DEFB131B: variants seen among roughly 807,000 people sequenced by gnomAD.
DEFB131B encodes the protein defensin beta 131B.
Under a neutral mutation model 2.1 loss-of-function variants are expected in DEFB131B, and 2 were observed. The ratio of observed to expected loss-of-function variants is 0.94; its 90% confidence interval spans 0.38 to 2.95. The LOEUF is 2.95. DEFB131B is among the 30% of genes most tolerant of loss of function. The pLI, the probability that DEFB131B is intolerant of heterozygous loss-of-function variation, is 0.09. For synonymous variants in DEFB131B, 26 were observed against 25.8 expected, an observed-to-expected ratio of 1.01 and a Z score of -0.03; for missense variants, 77 against 78.5, an observed-to-expected ratio of 0.98 and a Z score of 0.07.
intron 1 of DEFB131B, among the ~76,000 whole-genome samples, chr11:71,881,319 T>A (rs1192714786): frequency 1.3e-5 from 2 of 152,234 alleles, no homozygotes; most frequent in Non-Finnish European, 2.9e-5. Context: ...TTGTCCAATA[T>A]AAATATAGAT....
intron 1 of DEFB131B, among the ~76,000 whole-genome samples, chr11:71,884,060 T>G (rs1044730856): frequency 2.0e-5 from 3 of 152,200 alleles, no homozygotes; most frequent in Admixed American, 6.5e-5. Flanking sequence ...CCCCAATGAC[T>G]TTTTTAAGAA....
At chr11:71,880,067 T>C (rs1251196042) in intron 1 of DEFB131B, among the ~76,000 whole-genome samples, 3 of 152,206 alleles carry the variant, frequency 2.0e-5, no homozygotes, top group Non-Finnish European at 4.4e-5. Flanking sequence ...AGGAAAAGTA[T>C]AATTCTGTAT....
intron 1 of DEFB131B, among the ~76,000 whole-genome samples, chr11:71,883,950 C>T (rs952322070): frequency 4.6e-5 from 7 of 152,164 alleles, no homozygotes; most frequent in African/African-American, 1.4e-4. Context: ...TCCACTTTTC[C>T]ACCACCATAT....
At chr11:71,882,398 A>T (rs2121353439) in intron 1 of DEFB131B, among the ~76,000 whole-genome samples, 1 of 152,152 alleles carries the variant, frequency 6.6e-6, no homozygotes, top group Middle Eastern at 3.4e-3. Flanking sequence ...CGCCTGGCTA[A>T]TTTTGTATTT....
intron 1 of DEFB131B, among the ~76,000 whole-genome samples, chr11:71,881,129 A>G (rs1175220338): frequency 6.6e-6 from 1 of 152,210 alleles, no homozygotes; most frequent in Non-Finnish European, 1.5e-5. Flanking sequence ...CTCAGTTATC[A>G]TGATGTTGAG....
intron 1 of DEFB131B, among the ~76,000 whole-genome samples, chr11:71,878,921 G>T (rs1952542770): frequency 6.6e-6 from 1 of 152,132 alleles, no homozygotes; most frequent in Non-Finnish European, 1.5e-5. Flanking sequence ...GATCGCTTGA[G>T]CCTGAGATGT....
In DEFB131B at chr11:71,882,748, C is replaced by T. The variant is rs551930847; in HGVS notation, c.59-1659C>T. Among the ~76,000 whole-genome samples the T allele has an allele frequency of 4.6e-5, 7 of 152,196 alleles. No individual in the cohort carries two copies. The South Asian group carries it at 1.5e-3, about 32-fold the overall frequency. On this transcript the variant is annotated intron_variant, in intron 1 of 1. Transcript: ENST00000530210. ...ATGATTCTAAAAGTTCTAGCAAGAA[C>T]AATTAGGCAAGAAAAGGAAATAAAT...
chr11:71,882,110 G>A (rs1252824180), intron 1 of DEFB131B, among the ~76,000 whole-genome samples: 1 of 151,404 alleles, frequency 6.6e-6, no homozygotes, highest in East Asian at 1.9e-4. Context: ...GAAGCCAGGA[G>A]GGGAAAAAAT....
In DEFB131B at chr11:71,884,456, C is replaced by T. The variant is rs1302443922; in HGVS notation, c.108C>T (p.Cys36=). The T allele has an allele frequency of 1.9e-6, 3 of 1,608,368 alleles. No homozygotes were observed. Among genetic ancestry groups the T allele is most frequent in the Non-Finnish European group, 2.5e-6 (3 of 1,177,526 alleles). Residue 36 remains cysteine (C), a synonymous_variant, in exon 2 of 2, where the codon TGC becomes TGT. Transcript: ENST00000530210. ...AATGTCCTTCAGAATATTATCATTG[C>T]AGACTGAAGTGCAATGCTGATGAAC... ...NDECPSEYYH[C]RLKCNADEHA... is the part of the protein sequence containing the mutation.
At chr11:71,879,632 A>G (rs1952547548) in intron 1 of DEFB131B, among the ~76,000 whole-genome samples, 1 of 152,252 alleles carries the variant, frequency 6.6e-6, no homozygotes. Flanking sequence ...AAAATTTACC[A>G]TAATATTCAT....
intron 1 of DEFB131B, among the ~76,000 whole-genome samples, chr11:71,884,090 C>T (rs1455393831): frequency 1.3e-5 from 2 of 152,152 alleles, no homozygotes; most frequent in Non-Finnish European, 2.9e-5. Context: ...AGAAATTAAA[C>T]ATTATTTCCT....
At chr11:71,880,316 T>C (rs1268038089) in intron 1 of DEFB131B, among the ~76,000 whole-genome samples, 4 of 152,328 alleles carry the variant, frequency 2.6e-5, no homozygotes, top group African/African-American at 9.6e-5. Flanking sequence ...TGGTTGTTTA[T>C]AACAGACTCT....
At chr11:71,884,278 C>A (rs2121359606) in intron 1 of DEFB131B, 129 bp from the exon 2 acceptor site, 1 of 1,122,900 alleles carries the variant, frequency 8.9e-7, no homozygotes, top group Non-Finnish European at 1.2e-6. Context: ...CTCTTGCATT[C>A]TTTTGCTGTT....
At chr11:71,881,411 T>G (rs1436672281) in intron 1 of DEFB131B, among the ~76,000 whole-genome samples, 1 of 152,160 alleles carries the variant, frequency 6.6e-6, no homozygotes, top group Non-Finnish European at 1.5e-5. Context: ...AAAAGTTCAT[T>G]TTCTCACAGT....
rs1299059827 is a variant in DEFB131B, at chr11:71,884,312, C to G, written c.59-95C>G. 3 of 1,338,820 alleles carry G rather than the reference C, an allele frequency of 2.2e-6. No individual in the cohort carries two copies. In the African/African-American group the frequency reaches 4.5e-5, roughly 20 times the overall value. 82.9% of individuals were successfully genotyped at this position (1,338,820 alleles called of 1,614,324 possible). Reference sequence around the variant, plus strand: ...TTGTTTTTGTTTTTCTGGGAAAGTTCTGTAATGCTTTTAATTTATTATAAA... The same window carrying G: ...TTGTTTTTGTTTTTCTGGGAAAGTTGTGTAATGCTTTTAATTTATTATAAA... On this transcript the variant is annotated intron_variant, in intron 1 of 1. Transcript: ENST00000530210.
intron 1 of DEFB131B, among the ~76,000 whole-genome samples, chr11:71,879,821 C>T (rs1478486948): frequency 6.6e-6 from 1 of 152,134 alleles, no homozygotes; most frequent in Non-Finnish European, 1.5e-5. Flanking sequence ...TGGACATTTA[C>T]TATGAACAGA....
Position 71,883,770 on chromosome 11 carries a change from T to C in DEFB131B, c.59-637T>C, listed in dbSNP as rs542443850. On this transcript the variant is annotated intron_variant, in intron 1 of 1. Transcript: ENST00000530210. ...AATATTTATGGGAGATTATGGGTTATAGGCTCCTGTCCATATCTCAGTAAC... is the reference window on the plus strand; with the variant it reads ...AATATTTATGGGAGATTATGGGTTACAGGCTCCTGTCCATATCTCAGTAAC... Among the ~76,000 whole-genome samples, 11 of 152,344 alleles carry C rather than the reference T, an allele frequency of 7.2e-5. No individual in the cohort carries two copies. The East Asian group carries it at 2.1e-3, about 29-fold the overall frequency.
At chr11:71,882,490 C>A (rs1952575001) in intron 1 of DEFB131B, among the ~76,000 whole-genome samples, 1 of 152,200 alleles carries the variant, frequency 6.6e-6, no homozygotes, top group Non-Finnish European at 1.5e-5. Context: ...CTTGGCCTCC[C>A]AAAGTGCCAG....
intron 1 of DEFB131B, among the ~76,000 whole-genome samples, chr11:71,881,757 T>C (rs57396253): frequency 0.045 from 6,837 of 152,208 alleles, 523 homozygotes; most frequent in African/African-American, 0.16. Context: ...TAGACTGATA[T>C]GATCAAGGAA....
Sources: allele counts gnomAD v4.1 joint callset (sites outside exome capture counted in the v4.1 genomes callset), GRCh38; gene constraint gnomAD v4.1.1; transcripts MANE v1.5; gene names NCBI Gene and HGNC (gene_info 2026-07-23, HGNC 2026-07-21).